Variants in DIMT1 observed in about 807,000 individuals in gnomAD.
DIMT1 encodes dimethyladenosine transferase.
DIMT1 carries 36 observed loss-of-function variants against 43.2 expected under a neutral mutation model. That is an observed-to-expected ratio of 0.83 (90% CI 0.64 to 1.10). The LOEUF is 1.10. Ranked by LOEUF, DIMT1 falls within the 50% of genes least tolerant of loss-of-function variation. The pLI is 0.00. For synonymous variants in DIMT1, 126 were observed against 130.3 expected, an observed-to-expected ratio of 0.97 and a Z score of 0.22; for missense variants, 341 against 385.3, an observed-to-expected ratio of 0.88 and a Z score of 0.96.
chr5:62,394,274 T>C (rs1225681800), intron 7 of DIMT1, among the ~76,000 whole-genome samples: 3 of 152,154 alleles, frequency 2.0e-5, no homozygotes, highest in Non-Finnish European at 4.4e-5. Context: ...AAGACCAACC[T>C]GGGCAACATA....
chr5:62,397,672 G>A (rs796153066), intron 6 of DIMT1, among the ~76,000 whole-genome samples: 6 of 151,142 alleles, frequency 4.0e-5, no homozygotes, highest in Non-Finnish European at 7.4e-5. Flanking sequence ...TTTTTGAGAC[G>A]GAGTCTCGCT....
intron 9 of DIMT1, 50 bp downstream of exon 9, chr5:62,392,876 G>GT (rs1404767826): frequency 7.7e-7 from 1 of 1,298,896 alleles, no homozygotes; most frequent in Non-Finnish European, 1.1e-6. Context: ...TTCTAGCATA[G>GT]TATCTGGAGC....
At chr5:62,396,613 G>A (rs1742506215) in intron 6 of DIMT1, among the ~76,000 whole-genome samples, 1 of 152,196 alleles carries the variant, frequency 6.6e-6, no homozygotes, top group Non-Finnish European at 1.5e-5. Context: ...TGAGAGGAAG[G>A]AGTAGAAGTA....
rs534544848 is a variant in DIMT1, at chr5:62,399,697, G to A, written c.241-816C>T. 3.3e-4 allele frequency among the ~76,000 whole-genome samples: 49 copies of A among 150,358 alleles called. No homozygotes were observed. In the South Asian group the frequency reaches 9.5e-3, roughly 29 times the overall value. On this transcript the variant is annotated intron_variant, in intron 3 of 11. Transcript: ENST00000199320. The stretch of plus-strand genomic sequence containing the variant: ...TGAGGTGGGCGGATCATGAGTTCAG[G>A]AGACTGAGACCAGCCTGGCCAACAT...
Position 62,398,820 on chromosome 5 carries a change from G to A in DIMT1, c.302C>T (p.Thr101Met), listed in dbSNP as rs760325592. Residue 101 changes from threonine to methionine, a missense_variant and splice_region_variant, in exon 4 of 12, where the codon ACG becomes ATG. Thr to Met is a moderately conservative substitution (Grantham distance 81). Transcript: ENST00000199320. ...VAELHKRVQG[T>M]PVASKLQVLV... ...CTTTAATTCTATTATGTATACTCACGTGCCCTGAACTCTTTTGTGAAGTTC... is the reference window on the plus strand; with the variant it reads ...CTTTAATTCTATTATGTATACTCACATGCCCTGAACTCTTTTGTGAAGTTC... 27 of 1,613,788 alleles carry A rather than the reference G, an allele frequency of 1.7e-5. No homozygotes were observed. The highest frequency in any genetic ancestry group is 1.2e-4 in the African/African-American group (9 of 74,900).
chr5:62,402,506 A>G (rs1043752352), intron 2 of DIMT1, among the ~76,000 whole-genome samples: 1 of 152,254 alleles, frequency 6.6e-6, no homozygotes, highest in Non-Finnish European at 1.5e-5. Flanking sequence ...TTTTCAACCC[A>G]TGTATGGTTT....
At position 62,390,935 on chromosome 5, in the gene DIMT1, T is replaced by A; in HGVS notation, c.840A>T (p.Leu280=). Residue 280 remains leucine, a synonymous_variant, in exon 11 of 12, where the codon CTA becomes CTT. Coordinates refer to ENST00000199320, the MANE Select transcript of DIMT1 (RefSeq NM_014473.4). ...FSIADKIQQI[L]TSTGFSDKRA... ...GTTTGTCACTAAAACCTGTGCTGGT[T>A]AGGATTTGCTGTATTTTATCTGCTA... 1 of 1,612,664 alleles carries A rather than the reference T, an allele frequency of 6.2e-7. No homozygotes were observed. The highest frequency in any genetic ancestry group is 8.5e-7 in the Non-Finnish European group (1 of 1,179,924).
At chr5:62,392,898 A>AGG (rs1742358246) in intron 9 of DIMT1, 28 bp downstream of exon 9, 1 of 1,530,460 alleles carries the variant, frequency 6.5e-7, no homozygotes, top group Non-Finnish European at 9.0e-7. Context: ...CTGGCCCTTT[A>AGG]TACATTAGAA....
chr5:62,394,398 A>G lies in DIMT1; in HGVS notation c.570+86T>C. On this transcript the variant is annotated intron_variant, in intron 7 of 11. Coordinates refer to ENST00000199320, the MANE Select transcript of DIMT1 (RefSeq NM_014473.4). Reference sequence around the variant, plus strand: ...GATTGCTTGAGTATGGGAGGCAGAGATCGCAGTGAGCCACTGCACTGCAGC... The same window carrying G: ...GATTGCTTGAGTATGGGAGGCAGAGGTCGCAGTGAGCCACTGCACTGCAGC... 2.1e-6 allele frequency: 3 copies of G among 1,397,240 alleles called. No individual in the cohort carries two copies. In the East Asian group the frequency reaches 6.9e-5, roughly 32 times the overall value. 86.6% of individuals were successfully genotyped at this position (1,397,240 alleles called of 1,614,324 possible). A position where few individuals can be genotyped will look rare whatever the true frequency, so the allele number is the denominator to read the frequency against.
Position 62,403,349 on chromosome 5 carries a change from G to A in DIMT1, c.80-3C>T. The A allele has an allele frequency of 6.2e-7, 1 of 1,613,494 alleles. No homozygotes were observed. The highest frequency in any genetic ancestry group is 8.5e-7 in the Non-Finnish European group (1 of 1,179,492). ...AATCCCCGTGTTGAACATGAGTCCT[G>A]TAAGAAAATACGAAACAGCATTAAT... On this transcript the variant is annotated splice_region_variant and splice_polypyrimidine_tract_variant and intron_variant, in intron 1 of 11. Transcript: ENST00000199320.
At chr5:62,401,961 C>A in intron 3 of DIMT1, 75 bp downstream of exon 3, 1 of 1,393,962 alleles carries the variant, frequency 7.2e-7, no homozygotes, top group Non-Finnish European at 1.0e-6. Context: ...TTAGTTAAAA[C>A]ATATTTAGAT....
intron 3 of DIMT1, among the ~76,000 whole-genome samples, chr5:62,399,739 T>TGGCCA (rs1378922284): frequency 6.7e-6 from 1 of 148,590 alleles, no homozygotes; most frequent in African/African-American, 2.5e-5. Context: ...ACTCTGTCTC[T>TGGCCA]ACTAACAAAT....
intron 7 of DIMT1, 128 bp downstream of exon 7, chr5:62,394,356 T>C (rs1214576003): frequency 9.9e-7 from 1 of 1,014,122 alleles, no homozygotes; most frequent in African/African-American, 1.6e-5. Context: ...TAGTCCCAGC[T>C]ACTCGGGACT....
intron 6 of DIMT1, among the ~76,000 whole-genome samples, chr5:62,396,143 T>TTTTTTTTTTTTTTTTTTTTTTTTA (rs1742482882): frequency 6.8e-6 from 1 of 147,200 alleles, no homozygotes; most frequent in African/African-American, 2.5e-5. Context: ...CTGCAGGTTT[T>TTTTTTTTTTTTTTTTTTTTTTTTA]TTTTTTTTAC....
intron 3 of DIMT1, among the ~76,000 whole-genome samples, chr5:62,400,601 C>CT: frequency 6.6e-6 from 1 of 151,932 alleles, no homozygotes; most frequent in Non-Finnish European, 1.5e-5. Context: ...CCAGGCTGGT[C>CT]TCAAGCTCAT....
rs776738957 is a variant in DIMT1, at chr5:62,388,729, C to CTGTT, written c.*277_*280dup. The stretch of plus-strand genomic sequence containing the variant: ...AAGAGTAACATCTTTATACAATAAA[C>CTGTT]TGTTAGAAATGATAAGTGTAAAGTT... On this transcript the variant is annotated 3_prime_UTR_variant, in exon 12 of 12. Coordinates refer to ENST00000199320, the MANE Select transcript of DIMT1 (RefSeq NM_014473.4). 1.4e-4 allele frequency: 59 copies of CTGTT among 407,242 alleles called. No individual in the cohort carries two copies. The highest frequency in any genetic ancestry group is 3.4e-4 in the Admixed American group (8 of 23,788). 25.2% of individuals were successfully genotyped at this position (407,242 alleles called of 1,614,324 possible).
At chr5:62,393,030 T>A (rs913915194) in intron 8 of DIMT1, 40 bp from the exon 9 acceptor site, 3 of 1,437,002 alleles carry the variant, frequency 2.1e-6, no homozygotes, top group Middle Eastern at 3.5e-4. Flanking sequence ...ATTACAAACT[T>A]CTTGTTCTTG....
chr5:62,396,139 G>GTTTTTT (rs758847833), intron 6 of DIMT1, among the ~76,000 whole-genome samples: 10 of 116,746 alleles, frequency 8.6e-5, no homozygotes, highest in African/African-American at 1.1e-4. Context: ...GTCACTGCAG[G>GTTTTTT]TTTTTTTTTT....
At chr5:62,398,284 G>A (rs1742571369) in intron 6 of DIMT1, 1 of 498,674 alleles carries the variant, frequency 2.0e-6, no homozygotes, top group Non-Finnish European at 3.7e-6. Context: ...ACGGCAGGAA[G>A]ATTCAAAAAT....
Sources: gnomAD v4.1 joint callset for allele counts (sites outside exome capture counted in the v4.1 genomes callset) on GRCh38, gnomAD v4.1.1 for gene constraint, MANE v1.5 for transcripts, NCBI Gene and HGNC (gene_info 2026-07-23, HGNC 2026-07-21) for gene names.